Variants in USP36 observed in about 807,000 individuals in gnomAD.
USP36 encodes ubiquitin carboxyl-terminal hydrolase 36.
USP36 carries 59 observed loss-of-function variants against 111.5 expected under a neutral mutation model. The ratio of observed to expected loss-of-function variants is 0.53; its 90% CI spans 0.43 to 0.66. USP36 has a LOEUF of 0.66. USP36 is among the 30% of genes least tolerant of loss of function. The probability of loss-of-function intolerance (pLI) is 0.00; values close to 1 mark genes in which losing one functional copy is unlikely to be tolerated. For missense variants in USP36, 1,488 were observed against 1,468.0 expected (o/e 1.01, Z -0.22); for synonymous variants, 628 against 581.0 (o/e 1.08, Z -1.16).
intron 4 of USP36, among the ~76,000 whole-genome samples, chr17:78,834,997 G>GTATATA (rs10527657): frequency 0.017 from 2,455 of 141,342 alleles, 33 homozygotes; most frequent in East Asian, 0.043. Flanking sequence ...AATAATATTT[G>GTATATA]TATATATATA....
At position 78,835,172 on chromosome 17, in the gene USP36, C is replaced by G. The variant is rs2068544075; in HGVS notation, c.475+108G>C. On this transcript the variant is annotated intron_variant, in intron 4 of 20. Transcript: ENST00000449938. ...TTCATCAGTTACTATACATTATGAA[C>G]TACCCTCCTAAATTTGACCCAGACT... 20 of 1,149,892 alleles carry G rather than the reference C, an allele frequency of 1.7e-5. No individual in the cohort carries two copies. In the South Asian group the frequency reaches 2.6e-4, roughly 15 times the overall value. The allele number at this position is 1,149,892 out of a possible 1,614,324, so 71.2% of individuals were successfully genotyped here.
At chr17:78,828,777 G>C (rs1267152264) in intron 5 of USP36, 120 bp downstream of exon 5, 11 of 975,956 alleles carry the variant, frequency 1.1e-5, no homozygotes, top group Non-Finnish European at 1.6e-5. Context: ...GGCCAAAACG[G>C]AAGGACTGCT....
intron 17 of USP36, among the ~76,000 whole-genome samples, chr17:78,800,607 T>G (rs2093716691): frequency 6.6e-6 from 1 of 152,184 alleles, no homozygotes; most frequent in Non-Finnish European, 1.5e-5. Context: ...ATGGTTCCCA[T>G]CTCATCCACA....
At chr17:78,791,166 C>T (rs1239613121), downstream of USP36, among the ~76,000 whole-genome samples, 3 of 135,120 alleles carry the variant, frequency 2.2e-5, no homozygotes, top group African/African-American at 5.7e-5. Flanking sequence ...TGGAGTTTCG[C>T]TGTTGTTGCC....
At position 78,797,323 on chromosome 17, in the gene USP36, C is replaced by A. The variant is rs1598962013; in HGVS notation, c.*577G>T. The A allele has an allele frequency of 6.6e-6, 1 of 152,270 alleles. No individual in the cohort carries two copies. The highest frequency in any genetic ancestry group is 1.5e-5 in the Non-Finnish European group (1 of 68,046). The allele number at this position is 152,270 out of a possible 1,614,324, so 9.4% of individuals were successfully genotyped here. A position where few individuals can be genotyped will look rare whatever the true frequency, so the allele number is the denominator to read the frequency against. The stretch of plus-strand genomic sequence containing the variant: ...AAGGGGTGCACAGTAGGGCCACCCT[C>A]TCGAGTTCCATAAAAGGGAGAGGTG... On this transcript the variant is annotated 3_prime_UTR_variant, in exon 21 of 21. Coordinates refer to ENST00000449938, the MANE Select transcript of USP36 (RefSeq NM_001385174.1).
intron 13 of USP36, among the ~76,000 whole-genome samples, chr17:78,810,175 C>G (rs2094014993): frequency 6.6e-6 from 1 of 151,268 alleles, no homozygotes; most frequent in Admixed American, 6.6e-5. Context: ...CTGGAATTCA[C>G]CAGCGTGATC....
At chr17:78,817,748 AAAAG>A in intron 10 of USP36, among the ~76,000 whole-genome samples, 1 of 151,968 alleles carries the variant, frequency 6.6e-6, no homozygotes, top group South Asian at 2.1e-4. Context: ...AAAAAAAAAA[AAAAG>A]AGAAAAAAGA....
chr17:78,802,939 T>G (rs984691718), intron 16 of USP36, among the ~76,000 whole-genome samples: 11 of 151,518 alleles, frequency 7.3e-5, no homozygotes, highest in South Asian at 2.1e-4. Flanking sequence ...AGGAGATATT[T>G]TTTCTTTTTT....
intron 18 of USP36, among the ~76,000 whole-genome samples, 200 bp from the exon 19 acceptor site, chr17:78,799,223 C>T (rs2093683078): frequency 6.6e-6 from 1 of 152,178 alleles, no homozygotes; most frequent in Admixed American, 6.5e-5. Context: ...CCAGCGATGC[C>T]CTCTTAGCTA....
chr17:78,822,888 C>CG (rs1567955418), intron 6 of USP36, among the ~76,000 whole-genome samples: 1 of 152,142 alleles, frequency 6.6e-6, no homozygotes, highest in African/African-American at 2.4e-5. Context: ...CGCAGTGCGC[C>CG]GGTGCACCCA....
At chr17:78,799,994 G>C (rs893725211) in intron 17 of USP36, among the ~76,000 whole-genome samples, 1 of 148,750 alleles carries the variant, frequency 6.7e-6, no homozygotes, top group African/African-American at 2.5e-5. Flanking sequence ...TTACAGGCAT[G>C]AGCCATGGCG....
Position 78,807,031 on chromosome 17 carries a change from G to A in USP36, c.2013C>T (p.Ser671=), listed in dbSNP as rs752631032. The A allele has an allele frequency of 1.9e-6, 3 of 1,614,234 alleles. No individual in the cohort carries two copies. The highest frequency in any genetic ancestry group is 4.5e-5 in the East Asian group (2 of 44,888). ...TGCTTGCAGGCTCAGTGGTGGTGTT[G>A]CTCAGGACAGGGGACTTCAGCTTCA... ...KTVKLKSPVL[S]NTTTEPASTM... is the part of the protein sequence containing the mutation. The change falls in exon 14 of 21, where the codon AGC becomes AGT. Residue 671 remains serine (S), a synonymous_variant. Coordinates refer to ENST00000449938, the MANE Select transcript of USP36 (RefSeq NM_001385174.1).
chr17:78,790,149 C>T (rs538557138), intron 3 of USP36, among the ~76,000 whole-genome samples: 2 of 151,808 alleles, frequency 1.3e-5, no homozygotes, highest in East Asian at 3.9e-4. Flanking sequence ...AGTGCAATAG[C>T]GCGATCTCAG....
At position 78,835,291 on chromosome 17, in the gene USP36, T is replaced by A. The variant is rs1038598340; in HGVS notation, c.464A>T (p.His155Leu). The change falls in exon 4 of 21, where the codon CAT becomes CTT. Residue 155 changes from histidine (H) to leucine (L), a missense_variant. By Grantham distance (99) the His-to-Leu change is moderately conservative. Transcript: ENST00000449938. ...PLANYLLSKE[H>L]ARSCHQGSFC... The stretch of plus-strand genomic sequence containing the variant: ...AAACCCACACTCACAGCTGCGAGCA[T>A]GCTCCTTGGAGAGCAGGTAGTTGGC... 1 of 1,614,018 alleles carries A rather than the reference T, an allele frequency of 6.2e-7. No homozygotes were observed. Among genetic ancestry groups the A allele is most frequent in the African/African-American group, 1.3e-5 (1 of 74,918 alleles).
chr17:78,804,692 T>G (rs1189605366), intron 15 of USP36, among the ~76,000 whole-genome samples: 3 of 129,248 alleles, frequency 2.3e-5, no homozygotes, highest in African/African-American at 3.4e-5. Context: ...AAAAAAAAAT[T>G]TTTTTTTTTT....
rs2093657309 is a variant in USP36 at position 78,798,113 on chromosome 17, T to C, written c.*21-234A>G. On this transcript the variant is annotated intron_variant, in intron 20 of 20. Transcript: ENST00000449938. This position sits in a 1 kb window ranked among gnomAD's most constrained non-coding sequence, Gnocchi z 5.1. Reference sequence around the variant, plus strand: ...AAGTGACCAGAACACATGCCACAGATGCCAGGTGTACACACCCCACACCCA... The same window carrying C: ...AAGTGACCAGAACACATGCCACAGACGCCAGGTGTACACACCCCACACCCA... 5.3e-6 allele frequency: 2 copies of C among 378,570 alleles called. No homozygotes were observed. The highest frequency in any genetic ancestry group is 4.9e-5 in the South Asian group (1 of 20,618). The allele number at this position is 378,570 out of a possible 1,614,324, so 23.5% of individuals were successfully genotyped here.
At chr17:78,795,005 T>A (rs1347140307), downstream of USP36, among the ~76,000 whole-genome samples, 4 of 141,224 alleles carry the variant, frequency 2.8e-5, no homozygotes, top group African/African-American at 8.0e-5. This position sits in a 1 kb window ranked among gnomAD's most constrained non-coding sequence, Gnocchi z 4.5. Flanking sequence ...GAGACTCTGT[T>A]CGGGAAAAAA....
chr17:78,823,895 G>A (rs559021691), intron 6 of USP36, among the ~76,000 whole-genome samples: 8 of 152,164 alleles, frequency 5.3e-5, no homozygotes, highest in Non-Finnish European at 7.3e-5. Context: ...AAAACCAGCC[G>A]ACCCACAAGA....
In USP36 at chr17:78,795,688, G is replaced by C. The variant is rs745523486; in HGVS notation, c.*2212C>G. 5 of 152,304 alleles carry C rather than the reference G, an allele frequency of 3.3e-5. No homozygotes were observed. The highest frequency in any genetic ancestry group is 3.4e-3 in the Middle Eastern group (1 of 294). The allele number at this position is 152,304 out of a possible 1,614,324, so 9.4% of individuals were successfully genotyped here. A position where few individuals can be genotyped will look rare whatever the true frequency, so the allele number is the denominator to read the frequency against. On this transcript the variant is annotated 3_prime_UTR_variant, in exon 21 of 21. Coordinates refer to ENST00000449938, the MANE Select transcript of USP36 (RefSeq NM_001385174.1). The surrounding 1 kb of genome is among the most constrained non-coding windows in gnomAD (Gnocchi z 4.5). ...GAGTATTTTATTGCACCAAGATCTTGGCAACACGTGGGGCTCCCCAGGCCC... is the reference window on the plus strand; with the variant it reads ...GAGTATTTTATTGCACCAAGATCTTCGCAACACGTGGGGCTCCCCAGGCCC...
Sources: gnomAD v4.1 joint callset for allele counts (sites outside exome capture counted in the v4.1 genomes callset) on GRCh38, gnomAD v4.1.1 for gene constraint, Gnocchi (gnomAD v3.1) non-coding constraint, MANE v1.5 for transcripts, NCBI Gene and HGNC (gene_info 2026-07-23, HGNC 2026-07-21) for gene names.